FNBP1: variants seen among roughly 807,000 people sequenced by gnomAD.
The protein encoded by FNBP1 is formin-binding protein 1.
Under a neutral mutation model 90.6 loss-of-function variants are expected in FNBP1, and 26 were observed. That is an observed-to-expected ratio of 0.29 (90% CI 0.21 to 0.40). The LOEUF (loss-of-function observed/expected upper bound fraction) is 0.40, where lower values mean the gene tolerates loss of function less well. FNBP1 is among the 10% of genes least tolerant of loss of function. The pLI is 1.00. For missense variants in FNBP1, 635 were observed against 768.0 expected, an observed-to-expected ratio of 0.83 and a Z score of 2.05; for synonymous variants, 260 against 265.2, an observed-to-expected ratio of 0.98 and a Z score of 0.19.
intron 4 of FNBP1, among the ~76,000 whole-genome samples, chr9:129,973,799 G>A (rs2049872063): frequency 6.9e-6 from 1 of 145,750 alleles, no homozygotes; most frequent in Non-Finnish European, 1.5e-5. Flanking sequence ...CACCGCGCCT[G>A]GCCTCTTCTT....
intron 1 of FNBP1, among the ~76,000 whole-genome samples, chr9:130,005,179 T>C (rs1025486469): frequency 6.6e-6 from 1 of 150,660 alleles, no homozygotes; most frequent in Non-Finnish European, 1.5e-5. Context: ...GAGGTTGCAG[T>C]GAGCTGAGAT....
At chr9:129,979,829 G>A (rs1044514536) in intron 2 of FNBP1, among the ~76,000 whole-genome samples, 2 of 151,724 alleles carry the variant, frequency 1.3e-5, no homozygotes, top group Non-Finnish European at 2.9e-5. Flanking sequence ...TTTTAGTAGA[G>A]ATGGGGTGTC....
At chr9:129,915,497 G>A (rs1439696701) in intron 11 of FNBP1, among the ~76,000 whole-genome samples, 4 of 152,060 alleles carry the variant, frequency 2.6e-5, no homozygotes, top group Non-Finnish European at 5.9e-5. Flanking sequence ...CCAAGTAGCT[G>A]GGACTACAGG....
intron 6 of FNBP1, among the ~76,000 whole-genome samples, chr9:129,934,107 C>T (rs2043117738): frequency 6.6e-6 from 1 of 152,154 alleles, no homozygotes; most frequent in South Asian, 2.1e-4. Flanking sequence ...AGACTATCTC[C>T]TAATGTCTAA....
chr9:129,905,288 G>GTATATA (rs1369310193), intron 12 of FNBP1, among the ~76,000 whole-genome samples: 1 of 66,066 alleles, frequency 1.5e-5, no homozygotes, highest in East Asian at 6.7e-4. Context: ...GTGTGTGTGT[G>GTATATA]TGTGTGTATA....
At position 129,970,498 on chromosome 9, in the gene FNBP1, G is replaced by A. The variant is rs565665999; in HGVS notation, c.345+7967C>T. ...TGGGATTACAGGCATAAGACACTGC[G>A]CCCAGCCAATATTCTTAAATGTTAT... On this transcript the variant is annotated intron_variant, in intron 4 of 16. Coordinates refer to ENST00000446176, the MANE Select transcript of FNBP1 (RefSeq NM_015033.3). 8.5e-5 allele frequency among the ~76,000 whole-genome samples: 13 copies of A among 152,274 alleles called. No homozygotes were observed. In the East Asian group the frequency reaches 1.3e-3, roughly 16 times the overall value.
At chr9:129,976,106 CCTTT>C (rs776893615) in intron 4 of FNBP1, among the ~76,000 whole-genome samples, 24 of 152,048 alleles carry the variant, frequency 1.6e-4, no homozygotes, top group Non-Finnish European at 3.5e-4. Flanking sequence ...TTCACTGCAT[CCTTT>C]CTGTCACTAA....
chr9:129,929,791 T>C (rs2042449607), intron 6 of FNBP1, 96 bp from the exon 7 acceptor site: 1 of 1,164,048 alleles, frequency 8.6e-7, no homozygotes, highest in Middle Eastern at 2.0e-4. Flanking sequence ...CTGGGATGCC[T>C]AGGGGCCAGA....
intron 4 of FNBP1, among the ~76,000 whole-genome samples, chr9:129,976,200 A>G (rs1018946477): frequency 6.6e-6 from 1 of 152,154 alleles, no homozygotes; most frequent in Non-Finnish European, 1.5e-5. Flanking sequence ...TCTCAGCACT[A>G]TAGACATTTT....
chr9:130,043,206 G>T (rs562500500), upstream of FNBP1: 606 of 356,264 alleles, frequency 1.7e-3, 9 homozygotes, highest in African/African-American at 0.012. Flanking sequence ...CGCAGCGCCC[G>T]CCCGCCCTAC....
At chr9:129,929,806 C>T (rs1588629931) in intron 6 of FNBP1, 111 bp from the exon 7 acceptor site, 2 of 943,996 alleles carry the variant, frequency 2.1e-6, no homozygotes, top group East Asian at 2.6e-5. Context: ...GCCAGATTTA[C>T]CTCAAATGTA....
At position 129,957,150 on chromosome 9, in the gene FNBP1, G is replaced by C. The variant is rs986840176; in HGVS notation, c.513+210C>G. 1.3e-5 allele frequency among the ~76,000 whole-genome samples: 2 copies of C among 150,738 alleles called. No homozygotes were observed. Among genetic ancestry groups the C allele is most frequent in the African/African-American group, 4.9e-5 (2 of 40,934 alleles). ...CCTCCTGGGCTCAAGCGATTCTCCT[G>C]CCTCAGCCTCCCTAGTAGTTGGGAT... On this transcript the variant is annotated intron_variant, in intron 6 of 16. Transcript: ENST00000446176. The surrounding 1 kb of genome is among the most constrained non-coding windows in gnomAD (Gnocchi z 4.3).
At chr9:130,018,506 A>G (rs967364270) in intron 1 of FNBP1, among the ~76,000 whole-genome samples, 1 of 152,158 alleles carries the variant, frequency 6.6e-6, no homozygotes, top group African/African-American at 2.4e-5. Context: ...GCAATAAAAG[A>G]CTTGGTGTGA....
intron 6 of FNBP1, among the ~76,000 whole-genome samples, chr9:129,935,121 A>ATTTT (rs11410932): frequency 2.4e-5 from 3 of 127,060 alleles, no homozygotes; most frequent in Non-Finnish European, 3.3e-5. Flanking sequence ...TGTTTAGCTC[A>ATTTT]TTTTTTTTTT....
chr9:129,909,943 T>G (rs1422055691), intron 11 of FNBP1, among the ~76,000 whole-genome samples: 1 of 152,198 alleles, frequency 6.6e-6, no homozygotes, highest in Non-Finnish European at 1.5e-5. Flanking sequence ...ATGCCCTCCC[T>G]GACCTCAAAA....
rs1427990142 is a variant in FNBP1, at chr9:130,010,333, T to A, written c.25-15375A>T. ...CTCCATCTCTCTTGCAACACAGACA[T>A]GGGCATGTGACATTACCCTGGCTAA... On this transcript the variant is annotated intron_variant, in intron 1 of 16. Coordinates refer to ENST00000446176, the MANE Select transcript of FNBP1 (RefSeq NM_015033.3). Among the ~76,000 whole-genome samples, 5 of 152,266 alleles carry A rather than the reference T, an allele frequency of 3.3e-5. No individual in the cohort carries two copies. In the East Asian group the frequency reaches 9.6e-4, roughly 29 times the overall value.
At chr9:129,972,447 A>G (rs2049610982) in intron 4 of FNBP1, among the ~76,000 whole-genome samples, 1 of 151,902 alleles carries the variant, frequency 6.6e-6, no homozygotes, top group South Asian at 2.1e-4. Context: ...CCAATTACAC[A>G]TTTTTAGAAA....
At chr9:130,001,889 A>C (rs980059980) in intron 1 of FNBP1, among the ~76,000 whole-genome samples, 5 of 152,002 alleles carry the variant, frequency 3.3e-5, no homozygotes, top group African/African-American at 1.2e-4. Context: ...TTAGCCAGGC[A>C]TGATGGTGGG....
intron 10 of FNBP1, among the ~76,000 whole-genome samples, chr9:129,923,530 G>C (rs1044974101): frequency 6.7e-5 from 10 of 150,064 alleles, no homozygotes; most frequent in African/African-American, 2.4e-4. Flanking sequence ...AGGGAGCCGA[G>C]ATCACGCCAC....
Sources: gnomAD v4.1 joint callset for allele counts (sites outside exome capture counted in the v4.1 genomes callset) on GRCh38, gnomAD v4.1.1 for gene constraint, Gnocchi (gnomAD v3.1) non-coding constraint, MANE v1.5 for transcripts, NCBI Gene and HGNC (gene_info 2026-07-23, HGNC 2026-07-21) for gene names.